The following PRKACB variants were observed in gnomAD, a reference collection of about 807,000 sequenced individuals.
The protein encoded by PRKACB is protein kinase cAMP-activated catalytic subunit beta.
Under a neutral mutation model 51.4 loss-of-function variants are expected in PRKACB, and 16 were observed. That is an observed-to-expected ratio of 0.31 (90% CI 0.21 to 0.47). The LOEUF is 0.47. PRKACB is among the 20% of genes least tolerant of loss of function. The pLI, the probability that PRKACB is intolerant of heterozygous loss-of-function variation, is 1.00. For missense variants in PRKACB, 309 were observed against 464.5 expected, an observed-to-expected ratio of 0.67 and a Z score of 3.08; for synonymous variants, 147 against 154.4, an observed-to-expected ratio of 0.95 and a Z score of 0.35.
chr1:84,104,061 C>A (rs1356656236), intron 1 of PRKACB, among the ~76,000 whole-genome samples: 1 of 152,090 alleles, frequency 6.6e-6, no homozygotes, highest in East Asian at 1.9e-4. Flanking sequence ...AGCACTAGAC[C>A]TTACTTTTCC....
chr1:84,107,806 A>G lies in PRKACB; in HGVS notation c.46+29435A>G, dbSNP rs528567967. ...AAGATACCATCTCACACCAGTCAGA[A>G]TGGCTATTATTAAAGAGTAAAAAAA... On this transcript the variant is annotated intron_variant, in intron 1 of 8. Transcript: ENST00000370688. Among the ~76,000 whole-genome samples the G allele has an allele frequency of 3.3e-5, 5 of 152,284 alleles. No homozygotes were observed. The South Asian group carries it at 1.0e-3, about 32-fold the overall frequency.
chr1:84,197,643 G>T, intron 6 of PRKACB, 86 bp from the exon 7 acceptor site: 1 of 854,780 alleles, frequency 1.2e-6, no homozygotes, highest in Non-Finnish European at 1.7e-6. Context: ...GTTTCAATTT[G>T]AATTTTAAAC....
chr1:84,230,017 T>C (rs1675337963), intron 9 of PRKACB, among the ~76,000 whole-genome samples: 1 of 151,430 alleles, frequency 6.6e-6, no homozygotes, highest in South Asian at 2.1e-4. Context: ...CATGCCTATG[T>C]CCTGAATGGT....
chr1:84,085,788 C>T (rs1647927059), intron 1 of PRKACB: 1 of 381,256 alleles, frequency 2.6e-6, no homozygotes, highest in Non-Finnish European at 4.9e-6. Flanking sequence ...CAGTCGTCTC[C>T]AGGAAGCCCT....
chr1:84,092,561 C>A (rs766944723), intron 1 of PRKACB, among the ~76,000 whole-genome samples: 11 of 152,008 alleles, frequency 7.2e-5, no homozygotes, highest in Non-Finnish European at 1.5e-4. Flanking sequence ...TACATACATG[C>A]ATATATACAT....
chr1:84,230,132 G>A (rs1675363264), intron 9 of PRKACB, among the ~76,000 whole-genome samples: 2 of 150,844 alleles, frequency 1.3e-5, no homozygotes, highest in South Asian at 2.1e-4. Context: ...AAGGGATCCA[G>A]TTTCAGCTTT....
intron 8 of PRKACB, among the ~76,000 whole-genome samples, chr1:84,203,325 T>C (rs1018790028): frequency 6.6e-6 from 1 of 152,062 alleles, no homozygotes; most frequent in Non-Finnish European, 1.5e-5. Context: ...CATTGGTTTT[T>C]AGCAAACATG....
At chr1:84,207,482 T>C (rs1671514635) in intron 8 of PRKACB, among the ~76,000 whole-genome samples, 1 of 152,250 alleles carries the variant, frequency 6.6e-6, no homozygotes, top group African/African-American at 2.4e-5. Context: ...AAAGTTATTA[T>C]GCCTGTTGAA....
chr1:84,164,103 G>A (rs1017187606), intron 1 of PRKACB, among the ~76,000 whole-genome samples: 1 of 151,978 alleles, frequency 6.6e-6, no homozygotes, highest in Non-Finnish European at 1.5e-5. Context: ...GAATTTAATG[G>A]AAGTTTACAA....
At chr1:84,203,623 A>T (rs1290381852) in intron 8 of PRKACB, among the ~76,000 whole-genome samples, 1 of 151,936 alleles carries the variant, frequency 6.6e-6, no homozygotes, top group African/African-American at 2.4e-5. Flanking sequence ...CTATACATTA[A>T]TGACAAAATA....
Position 84,235,573 on chromosome 1 carries a change from A to C in PRKACB, c.*268A>C. 3.2e-6 allele frequency: 1 copy of C among 314,376 alleles called. No individual in the cohort carries two copies. Among genetic ancestry groups the C allele is most frequent in the Non-Finnish European group, 5.8e-6 (1 of 172,128 alleles). 19.5% of individuals were successfully genotyped at this position (314,376 alleles called of 1,614,324 possible). On this transcript the variant is annotated 3_prime_UTR_variant, in exon 10 of 10. Transcript: ENST00000370685. Reference sequence around the variant, plus strand: ...GTTGTCTTTCTCCTCTCCTATATCCATTTCTTCCTTTTCCAATTTCATTGG... The same window carrying C: ...GTTGTCTTTCTCCTCTCCTATATCCCTTTCTTCCTTTTCCAATTTCATTGG...
At chr1:84,200,200 T>C (rs1480396594) in intron 7 of PRKACB, among the ~76,000 whole-genome samples, 4 of 152,154 alleles carry the variant, frequency 2.6e-5, no homozygotes, top group Non-Finnish European at 5.9e-5. Context: ...TGGTATCTCA[T>C]TGTGGTTTTG....
At chr1:84,216,749 G>A (rs1037827981) in intron 9 of PRKACB, among the ~76,000 whole-genome samples, 26 of 152,124 alleles carry the variant, frequency 1.7e-4, no homozygotes, top group Admixed American at 1.6e-3. Context: ...TCAGCTCAGA[G>A]AGGTTAATTA....
At chr1:84,117,187 T>G (rs531320243) in intron 1 of PRKACB, among the ~76,000 whole-genome samples, 1 of 152,334 alleles carries the variant, frequency 6.6e-6, no homozygotes, top group East Asian at 1.9e-4. Context: ...ATCTTTTTGA[T>G]GTGCTATTGG....
chr1:84,131,574 A>G (rs149085665), intron 1 of PRKACB, among the ~76,000 whole-genome samples: 229 of 152,330 alleles, frequency 1.5e-3, no homozygotes, highest in African/African-American at 5.2e-3. Context: ...GCATTCTTAC[A>G]AGATAAAGCT....
At chr1:84,113,354 G>A (rs1332922362) in intron 1 of PRKACB, among the ~76,000 whole-genome samples, 1 of 152,144 alleles carries the variant, frequency 6.6e-6, no homozygotes, top group Non-Finnish European at 1.5e-5. Context: ...TCAAAAGGAA[G>A]TATGTATCAA....
intron 1 of PRKACB, among the ~76,000 whole-genome samples, chr1:84,162,051 A>C (rs1656263143): frequency 6.6e-6 from 1 of 151,864 alleles, no homozygotes; most frequent in African/African-American, 2.4e-5. Flanking sequence ...TTATTTTTGG[A>C]GGATAATTTT....
intron 1 of PRKACB, among the ~76,000 whole-genome samples, chr1:84,099,180 A>G (rs55690001): frequency 6.6e-5 from 10 of 152,258 alleles, no homozygotes; most frequent in African/African-American, 2.2e-4. Context: ...TTTTATTTGT[A>G]GTGTTAAGTA....
rs374806827 is a variant in PRKACB at position 84,196,150 on chromosome 1, G to T, written c.561-466G>T. On this transcript the variant is annotated intron_variant, in intron 5 of 9. Transcript: ENST00000370685. ...GAACTATTACAAAATGGGTAAAATG[G>T]CATTAATCTGCAGATAAATGCAGCT... 1.2e-3 allele frequency among the ~76,000 whole-genome samples: 186 copies of T among 152,184 alleles called. 2 individuals carry two copies. Among genetic ancestry groups the T allele is most frequent in the African/African-American group, 4.3e-3 (178 of 41,510 alleles).
Sources: allele counts gnomAD v4.1 joint callset (sites outside exome capture counted in the v4.1 genomes callset), GRCh38; gene constraint gnomAD v4.1.1; transcripts MANE v1.5; gene names NCBI Gene and HGNC (gene_info 2026-07-23, HGNC 2026-07-21).